CDH6: variants seen among roughly 807,000 people sequenced by gnomAD.
The protein encoded by CDH6 is cadherin 6, also known as cadherin-6.
Under a neutral mutation model 78.0 loss-of-function variants are expected in CDH6, and 31 were observed. That is an observed-to-expected ratio of 0.40 (90% CI 0.30 to 0.54). CDH6 has a LOEUF of 0.54. Among genes scored for constraint, CDH6 ranks in the 20% least tolerant of loss-of-function variants. CDH6 has a pLI of 0.56. For missense variants in CDH6, 724 were observed against 975.9 expected, an observed-to-expected ratio of 0.74 and a Z score of 3.44; for synonymous variants, 376 against 368.8, an observed-to-expected ratio of 1.02 and a Z score of -0.23.
At chr5:31,232,930 A>G (rs1179474590) in intron 1 of CDH6, among the ~76,000 whole-genome samples, 2 of 152,236 alleles carry the variant, frequency 1.3e-5, no homozygotes, top group Non-Finnish European at 2.9e-5. Flanking sequence ...CGTTGTACAG[A>G]TGAAGAAACT....
chr5:31,317,310 C>T (rs921185422), intron 9 of CDH6, 65 bp from the exon 10 acceptor site: 1 of 793,366 alleles, frequency 1.3e-6, no homozygotes, highest in Non-Finnish European at 2.1e-6. Context: ...CAATTTATTG[C>T]AAAACGGTAA....
intron 1 of CDH6, among the ~76,000 whole-genome samples, chr5:31,207,540 C>G (rs999886322): frequency 6.6e-6 from 1 of 152,168 alleles, no homozygotes; most frequent in Non-Finnish European, 1.5e-5. Flanking sequence ...GTAAAAACAT[C>G]TTTTCAAAAG....
intron 7 of CDH6, among the ~76,000 whole-genome samples, chr5:31,308,714 C>T (rs1276608358): frequency 6.6e-6 from 1 of 152,104 alleles, no homozygotes; most frequent in Non-Finnish European, 1.5e-5. Context: ...GTTACTATCT[C>T]TTTCAAATTG....
chr5:31,317,394 C>G lies in CDH6; in HGVS notation c.1532C>G (p.Ala511Gly). The G allele has an allele frequency of 6.3e-7, 1 of 1,586,086 alleles. No individual in the cohort carries two copies. Among genetic ancestry groups the G allele is most frequent in the Non-Finnish European group, 8.6e-7 (1 of 1,158,264 alleles). ...KADQLIQTLH[A>G]VDKDDPYSGH... Reference sequence around the variant, plus strand: ...TCTTAGTTGATTCAGACCCTGCATGCTGTTGACAAGGATGACCCTTATAGT... The same window carrying G: ...TCTTAGTTGATTCAGACCCTGCATGGTGTTGACAAGGATGACCCTTATAGT... Residue 511 changes from alanine (A) to glycine (G), a missense_variant, in exon 10 of 12, where the codon GCT (alanine) becomes GGT (glycine). By Grantham distance (60) the Ala-to-Gly change is moderately conservative. Transcript: ENST00000265071.
chr5:31,280,895 G>T (rs1742845087), intron 2 of CDH6, among the ~76,000 whole-genome samples: 1 of 145,376 alleles, frequency 6.9e-6, no homozygotes, highest in African/African-American at 2.7e-5. Flanking sequence ...ATCTAAGCTG[G>T]CTCCCAAGCA....
chr5:31,272,865 G>A (rs904860296), intron 2 of CDH6, among the ~76,000 whole-genome samples: 9 of 152,182 alleles, frequency 5.9e-5, no homozygotes, highest in African/African-American at 2.2e-4. Flanking sequence ...GGAAGTTGGT[G>A]TTGGTTTTGG....
chr5:31,243,671 A>T (rs1041302551), intron 1 of CDH6, among the ~76,000 whole-genome samples: 7 of 152,106 alleles, frequency 4.6e-5, no homozygotes, highest in African/African-American at 1.7e-4. Flanking sequence ...GAGGCATCAT[A>T]GCATCTCCAG....
At chr5:31,204,542 A>C (rs1740460358) in intron 1 of CDH6, among the ~76,000 whole-genome samples, 1 of 152,232 alleles carries the variant, frequency 6.6e-6, no homozygotes, top group Non-Finnish European at 1.5e-5. Context: ...AGGCTGGATT[A>C]ATTGGGCACT....
At chr5:31,302,967 A>AAG (rs1737870111) in intron 6 of CDH6, among the ~76,000 whole-genome samples, 4 of 69,956 alleles carry the variant, frequency 5.7e-5, no homozygotes, top group South Asian at 5.5e-4. Flanking sequence ...AGGAAAGAAA[A>AAG]GAAAGAAAGA....
At chr5:31,231,990 CTTG>C (rs1054690005) in intron 1 of CDH6, among the ~76,000 whole-genome samples, 15 of 152,172 alleles carry the variant, frequency 9.9e-5, no homozygotes, top group Admixed American at 8.5e-4. Context: ...ATTTGTTTCT[CTTG>C]TTCTGCAGGA....
intron 1 of CDH6, among the ~76,000 whole-genome samples, chr5:31,260,834 A>G (rs1337241338): frequency 6.6e-6 from 1 of 152,328 alleles, no homozygotes. Context: ...TTTACTCAAC[A>G]GTGACTTTGA....
At chr5:31,230,341 T>C (rs1741281413) in intron 1 of CDH6, among the ~76,000 whole-genome samples, 1 of 152,234 alleles carries the variant, frequency 6.6e-6, no homozygotes, top group African/African-American at 2.4e-5. Context: ...TTTGTCTGTA[T>C]AACCATCACA....
At chr5:31,199,203 G>T (rs1486803817) in intron 1 of CDH6, among the ~76,000 whole-genome samples, 1 of 151,022 alleles carries the variant, frequency 6.6e-6, no homozygotes, top group African/African-American at 2.4e-5. Context: ...TCTTTACATG[G>T]TAAATATATA....
At chr5:31,201,363 A>G (rs1052339056) in intron 1 of CDH6, among the ~76,000 whole-genome samples, 1 of 152,090 alleles carries the variant, frequency 6.6e-6, no homozygotes, top group African/African-American at 2.4e-5. Context: ...TTTTGAGTAA[A>G]CCTTATCTAA....
At chr5:31,287,397 T>C (rs1386169869) in intron 2 of CDH6, among the ~76,000 whole-genome samples, 1 of 152,238 alleles carries the variant, frequency 6.6e-6, no homozygotes, top group Admixed American at 6.5e-5. Context: ...AATCCACCTT[T>C]GGATATTTGG....
intron 3 of CDH6, among the ~76,000 whole-genome samples, chr5:31,296,177 A>G (rs559153136): frequency 1.3e-5 from 2 of 151,972 alleles, no homozygotes; most frequent in Non-Finnish European, 2.9e-5. Flanking sequence ...TAACTTACCT[A>G]CCCCTTTCAT....
intron 1 of CDH6, among the ~76,000 whole-genome samples, chr5:31,238,827 T>G (rs1741522327): frequency 6.6e-6 from 1 of 152,242 alleles, no homozygotes; most frequent in Non-Finnish European, 1.5e-5. Context: ...CTCTATACTG[T>G]GTGTATGTCA....
chr5:31,250,669 T>C (rs1046249275), intron 1 of CDH6: 1 of 152,442 alleles, frequency 6.6e-6, no homozygotes, highest in Non-Finnish European at 1.5e-5. Context: ...GCAAGACACA[T>C]CTCACCTTAT....
chr5:31,224,472 A>T lies in CDH6; in HGVS notation c.-129+30586A>T, dbSNP rs1241812366. On this transcript the variant is annotated intron_variant, in intron 1 of 11. Coordinates refer to ENST00000265071, the MANE Select transcript of CDH6 (RefSeq NM_004932.4). ...ACTTAAACTTTGAGAGTTTAAGTAA[A>T]TTATCTAAAGTAATATGGACAGCTA... is the stretch of plus-strand genomic sequence containing the variant. 4.6e-5 allele frequency among the ~76,000 whole-genome samples: 7 copies of T among 152,324 alleles called. No homozygotes were observed. In the East Asian group the frequency reaches 7.7e-4, roughly 17 times the overall value.
Sources: allele counts gnomAD v4.1 joint callset (sites outside exome capture counted in the v4.1 genomes callset), GRCh38; gene constraint gnomAD v4.1.1; transcripts MANE v1.5; gene names NCBI Gene and HGNC (gene_info 2026-07-23, HGNC 2026-07-21).